Variants in MYBPC3 observed in about 807,000 individuals in gnomAD.
The protein encoded by MYBPC3 is myosin-binding protein C, cardiac-type.
MYBPC3 carries 108 observed loss-of-function variants against 159.3 expected under a neutral mutation model. The ratio of observed to expected loss-of-function variants is 0.68; its 90% CI spans 0.58 to 0.80. The LOEUF is 0.80. Ranked by LOEUF, MYBPC3 falls within the 30% of genes least tolerant of loss-of-function variation. The pLI, the probability that MYBPC3 is intolerant of heterozygous loss-of-function variation, is 0.00. For synonymous variants in MYBPC3, 730 were observed against 702.0 expected, an observed-to-expected ratio of 1.04 and a Z score of -0.63; for missense variants, 1,631 against 1,762.1, an observed-to-expected ratio of 0.93 and a Z score of 1.33.
At chr11:47,331,993 G>A in intron 33 of MYBPC3, 79 bp downstream of exon 33, 2 of 1,594,446 alleles carry the variant, frequency 1.3e-6, no homozygotes, top group Admixed American at 1.8e-5. Flanking sequence ...CTTGGCCGAG[G>A]ACAACGGAGC....
Position 47,347,497 on chromosome 11 carries a change from C to T in MYBPC3, c.852-18G>A. On this transcript the variant is annotated intron_variant, in intron 8 of 34. Coordinates refer to ENST00000545968, the MANE Select transcript of MYBPC3 (RefSeq NM_000256.3). ...GGCTATCACTATGGAGAGGGACCCC[C>T]AGTGAGGCTGCAGTGAGGGACTGGA... 1 of 1,593,468 alleles carries T rather than the reference C, an allele frequency of 6.3e-7. No individual in the cohort carries two copies. Among genetic ancestry groups the T allele is most frequent in the Non-Finnish European group, 8.5e-7 (1 of 1,170,214 alleles).
chr11:47,350,192 C>T (rs1355803618), intron 3 of MYBPC3, 80 bp from the exon 4 acceptor site: 49 of 1,423,428 alleles, frequency 3.4e-5, no homozygotes, highest in South Asian at 5.1e-5. Flanking sequence ...GGCACAATCT[C>T]GGCTCACTGC....
Position 47,347,484 on chromosome 11 carries a change from G to T in MYBPC3, c.852-5C>A. On this transcript the variant is annotated splice_polypyrimidine_tract_variant and splice_region_variant and intron_variant, in intron 8 of 34. Transcript: ENST00000545968. ...CCAGTGTCCTCATGGCTATCACTAT[G>T]GAGAGGGACCCCCAGTGAGGCTGCA... The T allele has an allele frequency of 6.3e-7, 1 of 1,596,232 alleles. No homozygotes were observed. The highest frequency in any genetic ancestry group is 1.1e-5 in the South Asian group (1 of 87,662).
chr11:47,333,146 G>T (rs1210929601), intron 30 of MYBPC3, 48 bp downstream of exon 30: 1 of 1,571,978 alleles, frequency 6.4e-7, no homozygotes, highest in Non-Finnish European at 8.6e-7. Flanking sequence ...GCCTGGGTCT[G>T]CCGGGCCTAG....
chr11:47,337,481 C>T lies in MYBPC3; in HGVS notation c.2512G>A (p.Glu838Lys), dbSNP rs397515969. ...ELSHEARRMIEGVVYEMRVYA... is the reference protein window; with the variant it reads ...ELSHEARRMIKGVVYEMRVYA... The stretch of plus-strand genomic sequence containing the variant: ...ACGCGCATCTCGTACACCACGCCCT[C>T]GATCATGCGCCGCGCTTCATGACTC... Residue 838 changes from glutamate (E) to lysine (K), a missense_variant, in exon 25 of 35, where the codon GAG becomes AAG. Transcript: ENST00000545968. 1.9e-6 allele frequency: 3 copies of T among 1,613,886 alleles called. No homozygotes were observed. The highest frequency in any genetic ancestry group is 1.7e-6 in the Non-Finnish European group (2 of 1,179,880).
At chr11:47,337,362 G>C (rs1178018356) in intron 25 of MYBPC3, 29 bp downstream of exon 25, 1 of 1,542,012 alleles carries the variant, frequency 6.5e-7, no homozygotes, top group African/African-American at 1.4e-5. Context: ...GGAGGGGGCG[G>C]GGGGCAGGAC....
In MYBPC3 at chr11:47,341,206, T is replaced by A. The variant is rs730880554; in HGVS notation, c.1829A>T (p.Asp610Val). 1.3e-6 allele frequency: 2 copies of A among 1,599,284 alleles called. No individual in the cohort carries two copies. The highest frequency in any genetic ancestry group is 1.7e-5 in the Admixed American group (1 of 57,928). Reference protein sequence around the residue: ...KLTIDDVTPADEADYSFVPEG... With the variant: ...KLTIDDVTPAVEADYSFVPEG... ...GGGCACAAAGCTGTAGTCAGCCTCG[T>A]CGGCAGGTGTGACGTCGTCAATGGT... Residue 610 changes from aspartate to valine, a missense_variant, in exon 19 of 35, where the codon GAC becomes GTC. Physicochemically the swap from Asp to Val is radical, Grantham distance 152. Transcript: ENST00000545968.
chr11:47,332,027 C>G lies in MYBPC3; in HGVS notation c.3814+45G>C. The G allele has an allele frequency of 6.2e-7, 1 of 1,600,810 alleles. No homozygotes were observed. Among genetic ancestry groups the G allele is most frequent in the Non-Finnish European group, 8.5e-7 (1 of 1,172,632 alleles). On this transcript the variant is annotated intron_variant, in intron 33 of 34. Transcript: ENST00000545968. The surrounding 1 kb of genome is among the most constrained non-coding windows in gnomAD (Gnocchi z 4.2). ...GCAAAGCCCAGGGTCCCCACTGCCG[C>G]CCGCTCTTCCCATCTCCCAGGCCCT...
Position 47,346,680 on chromosome 11 carries a change from G to A in MYBPC3, c.909-36C>T, listed in dbSNP as rs1169268534. On this transcript the variant is annotated intron_variant, in intron 10 of 34. Transcript: ENST00000545968. This position sits in a 1 kb window ranked among gnomAD's most constrained non-coding sequence, Gnocchi z 5.3. ...GGTGGGGGTGGGAGAAAGGGTAGGT[G>A]GCACATGAGAGGTATGGCCACCTTC... The A allele has an allele frequency of 3.8e-6, 6 of 1,591,316 alleles. No homozygotes were observed. The highest frequency in any genetic ancestry group is 5.1e-6 in the Non-Finnish European group (6 of 1,168,256).
rs1216799257 is a variant in MYBPC3 at position 47,350,575 on chromosome 11, A to AGCAGGG, written c.327_332dup (p.Pro110_Ala111dup). 9 of 1,534,756 alleles carry AGCAGGG rather than the reference A, an allele frequency of 5.9e-6. No individual in the cohort carries two copies. The highest frequency in any genetic ancestry group is 2.4e-5 in the East Asian group (1 of 41,582). The stretch of plus-strand genomic sequence containing the variant: ...CTTCTCCAGGGGCTCCAGTGGCCTC[A>AGCAGGG]GCAGGGGCAGGGGCAGGGGCCAGCA... On this transcript the variant is annotated inframe_insertion, in exon 3 of 35. Coordinates refer to ENST00000545968, the MANE Select transcript of MYBPC3 (RefSeq NM_000256.3).
intron 7 of MYBPC3, 40 bp from the exon 8 acceptor site, chr11:47,347,720 G>A: frequency 6.4e-7 from 1 of 1,557,902 alleles, no homozygotes; most frequent in Non-Finnish European, 8.7e-7. Context: ...TGCCTGGGAA[G>A]CTTGCTCTCC....
Position 47,346,077 on chromosome 11 carries a change from G to A in MYBPC3, c.1090+130C>T, listed in dbSNP as rs780897421. ...GGACTCCGCTCTTTCCATGTATGTGGACGAGGTGGGGGGCTAACCTGTGCC... is the reference window on the plus strand; with the variant it reads ...GGACTCCGCTCTTTCCATGTATGTGAACGAGGTGGGGGGCTAACCTGTGCC... On this transcript the variant is annotated intron_variant, in intron 12 of 34. Transcript: ENST00000545968. This position sits in a 1 kb window ranked among gnomAD's most constrained non-coding sequence, Gnocchi z 5.3. The A allele has an allele frequency of 2.5e-4, 326 of 1,285,714 alleles. No individual in the cohort carries two copies. The highest frequency in any genetic ancestry group is 1.4e-3 in the South Asian group (91 of 63,194). The allele number at this position is 1,285,714 out of a possible 1,614,324, so 79.6% of individuals were successfully genotyped here. A position where few individuals can be genotyped will look rare whatever the true frequency, so the allele number is the denominator to read the frequency against.
Position 47,346,293 on chromosome 11 carries a change from C to A in MYBPC3, c.1004G>T (p.Arg335Leu). Reference sequence around the variant, plus strand: ...AGTGACGCCGTACTGGAAGGCGATGCGCTCGTACTCAGATGGGGGTGCCTG... The same window carrying A: ...AGTGACGCCGTACTGGAAGGCGATGAGCTCGTACTCAGATGGGGGTGCCTG... The part of the protein sequence containing the change: ...LRQAPPSEYE[R>L]IAFQYGVTDL... The change falls in exon 12 of 35, where the codon CGC becomes CTC. Residue 335 changes from arginine to leucine, a missense_variant. Transcript: ENST00000545968. The surrounding 1 kb of genome is among the most constrained non-coding windows in gnomAD (Gnocchi z 5.3). 6.2e-7 allele frequency: 1 copy of A among 1,613,462 alleles called. No individual in the cohort carries two copies. Among genetic ancestry groups the A allele is most frequent in the African/African-American group, 1.3e-5 (1 of 75,040 alleles).
chr11:47,345,069 C>T (rs905842826), intron 12 of MYBPC3, among the ~76,000 whole-genome samples: 3 of 152,222 alleles, frequency 2.0e-5, no homozygotes, highest in Non-Finnish European at 2.9e-5. Flanking sequence ...GGATTACAGG[C>T]GTGAGCCACT....
At position 47,332,452 on chromosome 11, in the gene MYBPC3, C is replaced by G; in HGVS notation, c.3627+114G>C. On this transcript the variant is annotated intron_variant, in intron 32 of 34. Transcript: ENST00000545968. The surrounding 1 kb of genome is among the most constrained non-coding windows in gnomAD (Gnocchi z 4.2). ...CCCAGGGGGAGGAACCCGGTCCATA[C>G]ACCCCAAGGTGGAGAGAAAGCAGGG... The G allele has an allele frequency of 6.7e-7, 1 of 1,499,320 alleles. No individual in the cohort carries two copies. The highest frequency in any genetic ancestry group is 1.3e-5 in the South Asian group (1 of 77,430). The allele number at this position is 1,499,320 out of a possible 1,614,324, so 92.9% of individuals were successfully genotyped here.
chr11:47,339,387 G>T lies in MYBPC3; in HGVS notation c.2085C>A (p.Ala695=). The change falls in exon 22 of 35, where the codon GCC becomes GCA. Residue 695 remains alanine, a synonymous_variant. Transcript: ENST00000545968. ...KAITQGNKAP[A]RPAPDAPEDT... ...CCTCTGGGGCATCTGGGGCTGGCCTGGCTGGGGCCTTATTCCCCTGGGAAC... is the reference window on the plus strand; with the variant it reads ...CCTCTGGGGCATCTGGGGCTGGCCTTGCTGGGGCCTTATTCCCCTGGGAAC... 1 of 1,614,026 alleles carries T rather than the reference G, an allele frequency of 6.2e-7. No individual in the cohort carries two copies.
Position 47,332,018 on chromosome 11 carries a change from C to T in MYBPC3, c.3814+54G>A. 6.3e-7 allele frequency: 1 copy of T among 1,597,976 alleles called. No homozygotes were observed. Among genetic ancestry groups the T allele is most frequent in the South Asian group, 1.1e-5 (1 of 89,792 alleles). Reference sequence around the variant, plus strand: ...GACAACGGAGCAAAGCCCAGGGTCCCCACTGCCGCCCGCTCTTCCCATCTC... The same window carrying T: ...GACAACGGAGCAAAGCCCAGGGTCCTCACTGCCGCCCGCTCTTCCCATCTC... On this transcript the variant is annotated intron_variant, in intron 33 of 34. Transcript: ENST00000545968. The surrounding 1 kb of genome is among the most constrained non-coding windows in gnomAD (Gnocchi z 4.2).
chr11:47,339,856 G>T, intron 20 of MYBPC3, 66 bp from the exon 21 acceptor site: 1 of 1,557,252 alleles, frequency 6.4e-7, no homozygotes, highest in South Asian at 1.2e-5. Flanking sequence ...CACTGGGGCG[G>T]GGCTGCTCAA....
In MYBPC3 at chr11:47,339,323, C is replaced by A. The variant is rs1060499604; in HGVS notation, c.2148+1G>T. ...CTCCTCCTGACCTCAGTCTCACTCA[C>A]CTTCTTGTCAAACACCCACTCATCG... On this transcript the variant is annotated splice_donor_variant, in intron 22 of 34. Transcript: ENST00000545968. LOFTEE classifies it high-confidence loss of function. 2 of 1,614,056 alleles carry A rather than the reference C, an allele frequency of 1.2e-6. No individual in the cohort carries two copies. The highest frequency in any genetic ancestry group is 1.7e-6 in the Non-Finnish European group (2 of 1,179,884).
Sources: gnomAD v4.1 joint callset for allele counts (sites outside exome capture counted in the v4.1 genomes callset) on GRCh38, gnomAD v4.1.1 for gene constraint, Gnocchi (gnomAD v3.1) non-coding constraint, MANE v1.5 for transcripts, NCBI Gene and HGNC (gene_info 2026-07-23, HGNC 2026-07-21) for gene names.